MMP26: variants seen among roughly 807,000 people sequenced by gnomAD.
MMP26 encodes matrix metallopeptidase 26.
A neutral mutation model predicts 31.0 loss-of-function variants in MMP26; 33 were observed. The observed-to-expected ratio is 1.06, with a 90% CI of 0.81 to 1.42. The LOEUF is 1.42. MMP26 is among the 40% of genes most tolerant of loss of function. MMP26 has a pLI of 0.00. For synonymous variants in MMP26, 122 were observed against 114.9 expected, an observed-to-expected ratio of 1.06 and a Z score of -0.40; for missense variants, 347 against 316.1, an observed-to-expected ratio of 1.10 and a Z score of -0.74.
chr11:4,738,370 C>T (rs1848269426), intron 1 of MMP26, among the ~76,000 whole-genome samples: 1 of 152,186 alleles, frequency 6.6e-6, no homozygotes, highest in Non-Finnish European at 1.5e-5. Context: ...TTTTGCTTCT[C>T]ATTCATAATG....
intron 2 of MMP26, among the ~76,000 whole-genome samples, chr11:4,936,748 G>A (rs1264208386): frequency 6.6e-6 from 1 of 152,020 alleles, no homozygotes; most frequent in Non-Finnish European, 1.5e-5. Flanking sequence ...TGTAATATGG[G>A]CCACTAAAAT....
intron 2 of MMP26, among the ~76,000 whole-genome samples, chr11:4,802,704 G>A (rs1341302275): frequency 6.6e-6 from 1 of 152,068 alleles, no homozygotes; most frequent in Non-Finnish European, 1.5e-5. Flanking sequence ...ACTACTCCAA[G>A]CAGCTATTTT....
rs74054406 is a variant in MMP26, at chr11:4,968,757, T to G, written c.-144-19311T>G. 3.2e-3 allele frequency among the ~76,000 whole-genome samples: 480 copies of G among 152,056 alleles called. 3 individuals are homozygous for G. The highest frequency in any genetic ancestry group is 0.011 in the African/African-American group (461 of 41,570). On this transcript the variant is annotated intron_variant, in intron 2 of 7. Transcript: ENST00000380390. ...TAATTTTGACATTAAAGATAATTAATAAAAATAAATAAATCCACTTACATA... is the reference window on the plus strand; with the variant it reads ...TAATTTTGACATTAAAGATAATTAAGAAAAATAAATAAATCCACTTACATA...
At chr11:4,937,250 TA>T (rs1846134172) in intron 2 of MMP26, 1 of 152,194 alleles carries the variant, frequency 6.6e-6, no homozygotes, top group African/African-American at 2.4e-5. Context: ...CATCTGACTA[TA>T]AAATACAAGA....
chr11:4,955,184 G>C, intron 2 of MMP26: 1 of 1,305,942 alleles, frequency 7.7e-7, no homozygotes, highest in Non-Finnish European at 1.1e-6. Context: ...GTAGGAATGG[G>C]ATAATTGGTT....
chr11:4,744,300 G>A (rs1219370085), intron 1 of MMP26, among the ~76,000 whole-genome samples: 9 of 152,108 alleles, frequency 5.9e-5, no homozygotes, highest in African/African-American at 2.2e-4. Flanking sequence ...AATTTAAGCT[G>A]CCTTAAATAA....
At chr11:4,883,498 G>T (rs1023388359) in intron 2 of MMP26, among the ~76,000 whole-genome samples, 2 of 151,758 alleles carry the variant, frequency 1.3e-5, no homozygotes, top group African/African-American at 4.8e-5. Flanking sequence ...TTCAGTTTTA[G>T]TTAGTACTTT....
chr11:4,866,563 C>T (rs1850237117), intron 2 of MMP26, among the ~76,000 whole-genome samples: 1 of 152,090 alleles, frequency 6.6e-6, no homozygotes, highest in Non-Finnish European at 1.5e-5. Flanking sequence ...TGGCATTCTT[C>T]ACAGAATTAT....
chr11:4,907,095 T>TA (rs3065178), intron 2 of MMP26, among the ~76,000 whole-genome samples: 12,019 of 55,112 alleles, frequency 0.22, 1,738 homozygotes, highest in Middle Eastern at 0.54. Context: ...AAACTCCCTC[T>TA]AAAAAAAAAA....
intron 2 of MMP26, among the ~76,000 whole-genome samples, chr11:4,962,026 T>C (rs1165756656): frequency 2.0e-5 from 3 of 152,134 alleles, no homozygotes; most frequent in Non-Finnish European, 4.4e-5. Flanking sequence ...TGCTGTGTCT[T>C]TTGTTTTTTG....
At chr11:4,820,188 G>C (rs897973545) in intron 2 of MMP26, among the ~76,000 whole-genome samples, 1 of 152,164 alleles carries the variant, frequency 6.6e-6, no homozygotes, top group African/African-American at 2.4e-5. Context: ...ATTGAGGTTA[G>C]ATATGCAGGT....
chr11:4,830,617 G>A (rs1002751487), intron 2 of MMP26, among the ~76,000 whole-genome samples: 1 of 152,170 alleles, frequency 6.6e-6, no homozygotes, highest in African/African-American at 2.4e-5. Flanking sequence ...CAGATGTTGT[G>A]TTATTGCTTT....
intron 2 of MMP26, chr11:4,769,318 A>G (rs1375695494): frequency 6.2e-7 from 1 of 1,613,414 alleles, no homozygotes; most frequent in African/African-American, 1.3e-5. Context: ...CAATTAATCC[A>G]CAGATGCTAT....
chr11:4,863,435 CT>C (rs1421458690), intron 2 of MMP26, among the ~76,000 whole-genome samples: 1 of 152,040 alleles, frequency 6.6e-6, no homozygotes, highest in Non-Finnish European at 1.5e-5. Context: ...CTGCATTTTA[CT>C]TTCTCTTTCC....
Position 4,900,834 on chromosome 11 carries a change from T to C in MMP26, c.-144-87234T>C, listed in dbSNP as rs562732871. Among the ~76,000 whole-genome samples, 9 of 152,324 alleles carry C rather than the reference T, an allele frequency of 5.9e-5. No homozygotes were observed. In the East Asian group the frequency reaches 1.5e-3, roughly 26 times the overall value. Reference sequence around the variant, plus strand: ...TACCCACCATTAACAATAAGTTGAATTTTTGTGTATTCTTACATAGAACCA... The same window carrying C: ...TACCCACCATTAACAATAAGTTGAACTTTTGTGTATTCTTACATAGAACCA... On this transcript the variant is annotated intron_variant, in intron 2 of 7. Transcript: ENST00000380390.
At chr11:4,828,268 C>T (rs1849604181) in intron 2 of MMP26, among the ~76,000 whole-genome samples, 1 of 152,030 alleles carries the variant, frequency 6.6e-6, no homozygotes, top group African/African-American at 2.4e-5. Flanking sequence ...GGTTTAGGCT[C>T]AAGGTTTTCT....
At chr11:4,829,707 C>A (rs921489636) in intron 2 of MMP26, among the ~76,000 whole-genome samples, 7 of 152,110 alleles carry the variant, frequency 4.6e-5, no homozygotes, top group Admixed American at 1.3e-4. Flanking sequence ...AATTAGAGAC[C>A]TTGTTACTTA....
intron 2 of MMP26, among the ~76,000 whole-genome samples, chr11:4,868,777 A>AG (rs1322547048): frequency 5.9e-5 from 9 of 152,232 alleles, no homozygotes; most frequent in Non-Finnish European, 1.2e-4. Flanking sequence ...CTAAGCCAAA[A>AG]GAACAAAGCT....
chr11:4,765,402 A>G (rs1395189822), intron 1 of MMP26, among the ~76,000 whole-genome samples: 1 of 152,198 alleles, frequency 6.6e-6, no homozygotes, highest in East Asian at 1.9e-4. Flanking sequence ...TCAAGCCTAC[A>G]TCAAAGACTG....
Sources: gnomAD v4.1 joint callset for allele counts (sites outside exome capture counted in the v4.1 genomes callset) on GRCh38, gnomAD v4.1.1 for gene constraint, MANE v1.5 for transcripts, NCBI Gene and HGNC (gene_info 2026-07-23, HGNC 2026-07-21) for gene names.